Variants in MAMLD1 observed in about 807,000 individuals in gnomAD.
MAMLD1 encodes mastermind-like domain-containing protein 1.
In MAMLD1, 14 loss-of-function variants were observed where a neutral mutation model predicts 45.0. That is an observed-to-expected ratio of 0.31 (90% CI 0.21 to 0.49). MAMLD1 has a LOEUF of 0.49. Among genes scored for constraint, MAMLD1 ranks in the 20% least tolerant of loss-of-function variants. The pLI is 0.99. For missense variants in MAMLD1, 543 were observed against 603.6 expected (o/e 0.90, Z 1.05); for synonymous variants, 254 against 247.8 (o/e 1.02, Z -0.24).
intron 1 of MAMLD1, among the ~76,000 whole-genome samples, chrX:150,437,505 C>T (rs1051396538): frequency 8.9e-6 from 1 of 112,074 alleles, no homozygotes; most frequent in African/African-American, 3.2e-5. Flanking sequence ...GTGATGTTAA[C>T]TGTAGATTTA....
At chrX:150,373,491 G>C (rs868989826) in intron 1 of MAMLD1, among the ~76,000 whole-genome samples, 3 of 105,077 alleles carry the variant, frequency 2.9e-5, no homozygotes, top group Non-Finnish European at 4.0e-5. Flanking sequence ...CACACACACA[G>C]GTACACACAC....
intron 2 of MAMLD1, among the ~76,000 whole-genome samples, chrX:150,449,084 G>A (rs916598678): frequency 1.2e-4 from 13 of 111,512 alleles, no homozygotes; most frequent in African/African-American, 3.6e-4. Context: ...ATGGGATGCC[G>A]TGCCCAGTAT....
At chrX:150,391,211 A>C (rs1185602923) in intron 1 of MAMLD1, among the ~76,000 whole-genome samples, 1 of 111,047 alleles carries the variant, frequency 9.0e-6, no homozygotes, top group Non-Finnish European at 1.9e-5. Context: ...GTTTTTCATA[A>C]ATTTTGAAAA....
At chrX:150,483,057 T>C (rs1362404171) in intron 5 of MAMLD1, among the ~76,000 whole-genome samples, 2 of 112,207 alleles carry the variant, frequency 1.8e-5, no homozygotes, top group Admixed American at 9.4e-5. Context: ...CTGTGCAAAC[T>C]GTCACTCTAG....
intron 5 of MAMLD1, among the ~76,000 whole-genome samples, chrX:150,501,681 G>A (rs1183468700): frequency 3.6e-5 from 4 of 112,523 alleles, no homozygotes; most frequent in African/African-American, 9.7e-5. Context: ...CAGGTAGTTA[G>A]GTTGTCTTCT....
At chrX:150,415,168 T>C (rs1557402998) in intron 1 of MAMLD1, among the ~76,000 whole-genome samples, 9 of 112,764 alleles carry the variant, frequency 8.0e-5, no homozygotes, top group Non-Finnish European at 1.7e-4. Flanking sequence ...TGACAAATGC[T>C]GTGAGAATTG....
chrX:150,498,852 A>C (rs1487522730), intron 5 of MAMLD1, among the ~76,000 whole-genome samples: 4 of 112,500 alleles, frequency 3.6e-5, no homozygotes, highest in African/African-American at 1.3e-4. Context: ...CACTTGGCCA[A>C]GTAGGGTAAT....
intron 1 of MAMLD1, among the ~76,000 whole-genome samples, chrX:150,389,885 T>C (rs1168512999): frequency 1.8e-5 from 2 of 112,305 alleles, no homozygotes; most frequent in African/African-American, 6.5e-5. Context: ...ATGTAATGTC[T>C]GCCTGTCTCC....
chrX:150,473,690 A>C lies in MAMLD1; in HGVS notation c.1928A>C (p.His643Pro). 1 of 1,211,061 alleles carries C rather than the reference A, an allele frequency of 8.3e-7. No individual in the cohort carries two copies. Residue 643 changes from histidine (H) to proline (P), a missense_variant, in exon 5 of 8, where the codon CAT (histidine) becomes CCT (proline). Physicochemically the swap from His to Pro is moderately conservative, Grantham distance 77. Coordinates refer to ENST00000370401, the MANE Select transcript of MAMLD1 (RefSeq NM_005491.5). ...MPALPRQGCCHLFAWTSAASS... is the reference protein window; with the variant it reads ...MPALPRQGCCPLFAWTSAASS... ...TTGATTTTATTATAGGGCTGTTGCC[A>C]TCTGTTTGCATGGACTTCTGCAGCT... is the stretch of plus-strand genomic sequence containing the variant.
chrX:150,487,293 C>T (rs1394493928), intron 5 of MAMLD1, among the ~76,000 whole-genome samples: 2 of 112,331 alleles, frequency 1.8e-5, no homozygotes, highest in Non-Finnish European at 3.8e-5. Context: ...GTGTGAACAA[C>T]TTAAAAACAT....
chrX:150,462,283 C>T (rs2036065362), intron 2 of MAMLD1, among the ~76,000 whole-genome samples: 1 of 112,153 alleles, frequency 8.9e-6, no homozygotes, highest in African/African-American at 3.2e-5. Context: ...GATCCCTGCA[C>T]CGACTGGTGA....
At chrX:150,424,760 T>G (rs1344164419) in intron 1 of MAMLD1, among the ~76,000 whole-genome samples, 1 of 112,501 alleles carries the variant, frequency 8.9e-6, no homozygotes, top group Non-Finnish European at 1.9e-5. Flanking sequence ...ACCATTCAAT[T>G]AATCCATTGA....
chrX:150,482,027 A>AGAAAGAAG (rs2036829799), intron 5 of MAMLD1, among the ~76,000 whole-genome samples: 4 of 107,332 alleles, frequency 3.7e-5, no homozygotes, highest in Admixed American at 1.0e-4. Context: ...AAAGAAAGAA[A>AGAAAGAAG]GAAAGAATTG....
intron 5 of MAMLD1, among the ~76,000 whole-genome samples, chrX:150,501,915 T>A (rs945906195): frequency 1.8e-5 from 2 of 112,353 alleles, no homozygotes; most frequent in Non-Finnish European, 3.8e-5. Flanking sequence ...TGGGTTTGCA[T>A]CCTGCTCTGC....
intron 2 of MAMLD1, among the ~76,000 whole-genome samples, chrX:150,461,054 A>G (rs1569564876): frequency 1.8e-5 from 2 of 113,153 alleles, no homozygotes; most frequent in Non-Finnish European, 3.7e-5. Context: ...GCAATGGGGA[A>G]GAGCATAAGT....
chrX:150,402,985 C>A lies in MAMLD1; in HGVS notation c.-64+39455C>A, dbSNP rs1557402522. Among the ~76,000 whole-genome samples the A allele has an allele frequency of 2.4e-3, 261 of 110,290 alleles. 3 individuals carry two copies. Among genetic ancestry groups the A allele is most frequent in the African/African-American group, 8.3e-3 (251 of 30,246 alleles). ...ATACCTAATGCTAGATGACGAGTTA[C>A]TGGTGCAGCACACCAGCACGGCACA... On this transcript the variant is annotated intron_variant, in intron 1 of 7. Coordinates refer to ENST00000370401, the MANE Select transcript of MAMLD1 (RefSeq NM_005491.5).
intron 1 of MAMLD1, among the ~76,000 whole-genome samples, chrX:150,377,215 G>A (rs1557401480): frequency 8.8e-6 from 1 of 113,338 alleles, no homozygotes; most frequent in African/African-American, 3.2e-5. Flanking sequence ...CTTGGAGGGA[G>A]GCACCCTGGT....
chrX:150,480,071 C>T (rs2036707230), intron 5 of MAMLD1, among the ~76,000 whole-genome samples: 1 of 112,001 alleles, frequency 8.9e-6, no homozygotes, highest in African/African-American at 3.2e-5. Context: ...TTCTGACTCT[C>T]ACTTCCAGCT....
At chrX:150,417,258 T>C (rs1557403125) in intron 1 of MAMLD1, among the ~76,000 whole-genome samples, 1 of 105,486 alleles carries the variant, frequency 9.5e-6, no homozygotes, top group Middle Eastern at 4.7e-3. Flanking sequence ...GAATATGCAG[T>C]GTTTGGTTTT....
Sources: gnomAD v4.1 joint callset for allele counts (sites outside exome capture counted in the v4.1 genomes callset) on GRCh38, gnomAD v4.1.1 for gene constraint, MANE v1.5 for transcripts, NCBI Gene and HGNC (gene_info 2026-07-23, HGNC 2026-07-21) for gene names.